Variants in AGAP1 observed in about 807,000 individuals in gnomAD.
AGAP1 encodes the protein ArfGAP with GTPase domain, ankyrin repeat and PH domain 1.
A neutral mutation model predicts 105.3 loss-of-function variants in AGAP1; 29 were observed. The observed-to-expected ratio is 0.28, with a 90% CI of 0.21 to 0.38. The LOEUF is 0.38. Among genes scored for constraint, AGAP1 ranks in the 10% least tolerant of loss-of-function variants. The probability of loss-of-function intolerance (pLI) is 1.00; values close to 1 mark genes in which losing one functional copy is unlikely to be tolerated. For synonymous variants in AGAP1, 509 were observed against 485.9 expected (o/e 1.05, Z -0.63); for missense variants, 998 against 1,165.1 (o/e 0.86, Z 2.09).
chr2:235,752,777 A>G lies in AGAP1; in HGVS notation c.673+2289A>G, dbSNP rs973716443. ...GCTTCTTATAAAAATAATGTTGTCAATTAATGAATACTGGGGGTTGTCAGG... is the reference window on the plus strand; with the variant it reads ...GCTTCTTATAAAAATAATGTTGTCAGTTAATGAATACTGGGGGTTGTCAGG... On this transcript the variant is annotated intron_variant, in intron 6 of 17. Transcript: ENST00000304032. This position sits in a 1 kb window ranked among gnomAD's most constrained non-coding sequence, Gnocchi z 4.3. 7.2e-5 allele frequency among the ~76,000 whole-genome samples: 11 copies of G among 152,214 alleles called. No individual in the cohort carries two copies. Among genetic ancestry groups the G allele is most frequent in the East Asian group, 5.8e-4 (3 of 5,198 alleles).
At position 236,114,687 on chromosome 2, in the gene AGAP1, C is replaced by T. The variant is rs932785612; in HGVS notation, c.2115-5505C>T. Among the ~76,000 whole-genome samples the T allele has an allele frequency of 5.3e-5, 8 of 152,172 alleles. No homozygotes were observed. The highest frequency in any genetic ancestry group is 1.9e-4 in the African/African-American group (8 of 41,446). ...CCAGTGTCTCGTCCTCTTATACGGGCACCTGGCTTATTGAATTAGGGCTCT... is the reference window on the plus strand; with the variant it reads ...CCAGTGTCTCGTCCTCTTATACGGGTACCTGGCTTATTGAATTAGGGCTCT... On this transcript the variant is annotated intron_variant, in intron 16 of 17. Transcript: ENST00000304032. This position sits in a 1 kb window ranked among gnomAD's most constrained non-coding sequence, Gnocchi z 5.0.
At chr2:235,829,988 G>A (rs1959202853) in intron 9 of AGAP1, among the ~76,000 whole-genome samples, 1 of 152,156 alleles carries the variant, frequency 6.6e-6, no homozygotes, top group Non-Finnish European at 1.5e-5. Flanking sequence ...GAAGACTGGG[G>A]GCACATGGGG....
At chr2:235,605,484 C>T (rs879633058) in intron 1 of AGAP1, among the ~76,000 whole-genome samples, 54 of 152,332 alleles carry the variant, frequency 3.5e-4, no homozygotes, top group Non-Finnish European at 5.9e-4. Context: ...TCGTGCAGCA[C>T]GGCATTATCT....
At position 235,577,194 on chromosome 2, in the gene AGAP1, A is replaced by G. The variant is rs1055168260; in HGVS notation, c.163+82345A>G. Among the ~76,000 whole-genome samples the G allele has an allele frequency of 1.3e-5, 2 of 152,232 alleles. No individual in the cohort carries two copies. The highest frequency in any genetic ancestry group is 2.9e-5 in the Non-Finnish European group (2 of 68,036). On this transcript the variant is annotated intron_variant, in intron 1 of 17. Coordinates refer to ENST00000304032, the MANE Select transcript of AGAP1 (RefSeq NM_001037131.3). The surrounding 1 kb of genome is among the most constrained non-coding windows in gnomAD (Gnocchi z 4.5). ...AAAGAAACAGATGAAATTAATTTTA[A>G]TAAACTGTTTAATCCAACATATCCA...
At chr2:235,648,220 C>T (rs1245888718) in intron 1 of AGAP1, among the ~76,000 whole-genome samples, 1 of 152,196 alleles carries the variant, frequency 6.6e-6, no homozygotes, top group Non-Finnish European at 1.5e-5. Context: ...CTACCTGCCC[C>T]TCCACCTCCT....
intron 1 of AGAP1, among the ~76,000 whole-genome samples, chr2:235,703,386 G>C (rs1054938517): frequency 6.6e-6 from 1 of 151,998 alleles, no homozygotes. Context: ...GTGGCACCTG[G>C]GCAACGGGAC....
In AGAP1 at chr2:235,684,295, C is replaced by T. The variant is rs193273071; in HGVS notation, c.164-24884C>T. ...TCCTGACCTCATGATCCACCCGCCT[C>T]GGCCTCCCAAAGTGCTGGGATTACA... On this transcript the variant is annotated intron_variant, in intron 1 of 17. Coordinates refer to ENST00000304032, the MANE Select transcript of AGAP1 (RefSeq NM_001037131.3). 5.6e-3 allele frequency among the ~76,000 whole-genome samples: 851 copies of T among 152,224 alleles called. 7 individuals carry two copies. The highest frequency in any genetic ancestry group is 0.018 in the African/African-American group (739 of 41,530).
Position 235,744,826 on chromosome 2 carries a change from G to C in AGAP1, c.525G>C (p.Leu175=). Reference sequence around the variant, plus strand: ...ACACGAGCGAGATTCCTCTGGTTCTGGTGGGAACCCAGGGTGAGTGATGTT... The same window carrying C: ...ACACGAGCGAGATTCCTCTGGTTCTCGTGGGAACCCAGGGTGAGTGATGTT... The part of the protein sequence containing the change: ...YRNTSEIPLV[L]VGTQDAISSA... Residue 175 remains leucine, a synonymous_variant, in exon 5 of 18, where the codon CTG becomes CTC. Transcript: ENST00000304032. The surrounding 1 kb of genome is among the most constrained non-coding windows in gnomAD (Gnocchi z 5.2). 6.2e-7 allele frequency: 1 copy of C among 1,614,004 alleles called. No individual in the cohort carries two copies. The highest frequency in any genetic ancestry group is 8.5e-7 in the Non-Finnish European group (1 of 1,180,018).
intron 16 of AGAP1, among the ~76,000 whole-genome samples, chr2:236,077,699 C>T (rs1324795420): frequency 6.6e-6 from 1 of 152,198 alleles, no homozygotes; most frequent in African/African-American, 2.4e-5. Context: ...TAGTCATCCC[C>T]CTTGGACATG....
rs754410571 is a variant in AGAP1, at chr2:236,036,534, C to T, written c.1646-27C>T. 1.9e-6 allele frequency: 3 copies of T among 1,611,452 alleles called. No individual in the cohort carries two copies. Among genetic ancestry groups the T allele is most frequent in the South Asian group, 1.1e-5 (1 of 90,648 alleles). The stretch of plus-strand genomic sequence containing the variant: ...GGACTGCTGTCTCATAAAAGCTAAA[C>T]TCTTCATCCCACACTCTGTGTTTCA... On this transcript the variant is annotated intron_variant, in intron 13 of 17. Coordinates refer to ENST00000304032, the MANE Select transcript of AGAP1 (RefSeq NM_001037131.3). The surrounding 1 kb of genome is among the most constrained non-coding windows in gnomAD (Gnocchi z 5.7).
At chr2:235,709,334 C>T (rs1559380029) in intron 2 of AGAP1, 97 bp downstream of exon 2, 1 of 1,380,578 alleles carries the variant, frequency 7.2e-7, no homozygotes, top group Non-Finnish European at 1.0e-6. Context: ...CGCCTGGGGC[C>T]CAGAGTGGAA....
chr2:236,033,191 G>A lies in AGAP1; in HGVS notation c.1646-3370G>A, dbSNP rs141505582. ...ACTTGGGAGGCGGAGGTTGCAGTGA[G>A]CTGAGATCATGCCATTGCACTCCAG... On this transcript the variant is annotated intron_variant, in intron 13 of 17. Transcript: ENST00000304032. Among the ~76,000 whole-genome samples, 1,478 of 152,292 alleles carry A rather than the reference G, an allele frequency of 9.7e-3. 20 individuals are homozygous for A. Among genetic ancestry groups the A allele is most frequent in the African/African-American group, 0.033 (1,372 of 41,564 alleles).
At chr2:235,709,354 TG>T in intron 2 of AGAP1, 117 bp downstream of exon 2, 2 of 1,219,254 alleles carry the variant, frequency 1.6e-6, no homozygotes, top group South Asian at 2.4e-5. Flanking sequence ...AGTGTGACTC[TG>T]GGTGTGTTCC....
chr2:235,778,664 A>T (rs1024117482), intron 6 of AGAP1, among the ~76,000 whole-genome samples: 2 of 152,162 alleles, frequency 1.3e-5, no homozygotes, highest in African/African-American at 2.4e-5. Context: ...CAGGGTCCTC[A>T]TCTGGGAAAC....
In AGAP1 at chr2:235,552,665, G is replaced by T. The variant is rs866754392; in HGVS notation, c.163+57816G>T. ...GCAGAGGTTTGGAGCTGGGTTGTGGGTGAGGGATGCAGAGAGGCTTAACCC... is the reference window on the plus strand; with the variant it reads ...GCAGAGGTTTGGAGCTGGGTTGTGGTTGAGGGATGCAGAGAGGCTTAACCC... On this transcript the variant is annotated intron_variant, in intron 1 of 17. Transcript: ENST00000304032. This position sits in a 1 kb window ranked among gnomAD's most constrained non-coding sequence, Gnocchi z 5.9. 1.3e-5 allele frequency among the ~76,000 whole-genome samples: 2 copies of T among 152,214 alleles called. No homozygotes were observed. Among genetic ancestry groups the T allele is most frequent in the African/African-American group, 4.8e-5 (2 of 41,458 alleles).
intron 6 of AGAP1, among the ~76,000 whole-genome samples, chr2:235,767,976 A>G (rs976593544): frequency 4.6e-5 from 7 of 151,952 alleles, no homozygotes; most frequent in African/African-American, 7.3e-5. Flanking sequence ...TAGTAGAGAC[A>G]GGGTTACACC....
chr2:235,756,817 C>T (rs1028032505), intron 6 of AGAP1, among the ~76,000 whole-genome samples: 4 of 152,146 alleles, frequency 2.6e-5, no homozygotes, highest in African/African-American at 9.7e-5. Context: ...GACTCTAATG[C>T]CTGACGAGCT....
intron 8 of AGAP1, among the ~76,000 whole-genome samples, chr2:235,800,072 C>T (rs1313739314): frequency 1.3e-5 from 2 of 150,614 alleles, no homozygotes; most frequent in African/African-American, 4.9e-5. Flanking sequence ...TATAAATTCA[C>T]AATCTGGGTG....
At chr2:235,702,934 G>GTGTTTTTTTTTTTTT (rs1553609552) in intron 1 of AGAP1, among the ~76,000 whole-genome samples, 9 of 88,958 alleles carry the variant, frequency 1.0e-4, no homozygotes, top group South Asian at 6.7e-4. Context: ...AGTTTTCTTG[G>GTGTTTTTTTTTTTTT]TTTTTTTTTT....
Sources: allele counts gnomAD v4.1 joint callset (sites outside exome capture counted in the v4.1 genomes callset), GRCh38; gene constraint gnomAD v4.1.1; non-coding constraint Gnocchi (gnomAD v3.1); transcripts MANE v1.5; gene names NCBI Gene and HGNC (gene_info 2026-07-23, HGNC 2026-07-21).